Variants in INO80D observed in about 807,000 individuals in gnomAD.
The protein encoded by INO80D is INO80 complex subunit D.
A neutral mutation model predicts 87.6 loss-of-function variants in INO80D; 21 were observed. The observed-to-expected ratio is 0.24, with a 90% CI of 0.17 to 0.35. The LOEUF is 0.35. Ranked by LOEUF, INO80D falls within the 10% of genes least tolerant of loss-of-function variation. The pLI, the probability that INO80D is intolerant of heterozygous loss-of-function variation, is 1.00. For missense variants in INO80D, 982 were observed against 1,280.7 expected (o/e 0.77, Z 3.56); for synonymous variants, 440 against 491.0 (o/e 0.90, Z 1.37).
In INO80D at chr2:206,024,729, T is replaced by C. The variant is rs543694726; in HGVS notation, c.1298+3382A>G. Reference sequence around the variant, plus strand: ...TGACCAACAGCTACAAAATAAAGGTTATATTTTAACACTTTGTTTTATTTA... The same window carrying C: ...TGACCAACAGCTACAAAATAAAGGTCATATTTTAACACTTTGTTTTATTTA... On this transcript the variant is annotated intron_variant, in intron 6 of 10. Transcript: ENST00000403263. Among the ~76,000 whole-genome samples the C allele has an allele frequency of 4.6e-5, 7 of 152,218 alleles. No homozygotes were observed. In the South Asian group the frequency reaches 1.2e-3, roughly 27 times the overall value.
intron 3 of INO80D, among the ~76,000 whole-genome samples, chr2:206,058,255 TA>T (rs1689582388): frequency 1.3e-5 from 2 of 151,266 alleles, no homozygotes; most frequent in African/African-American, 2.4e-5. Flanking sequence ...CCGTCTCTAT[TA>T]AAAATACAAA....
intron 4 of INO80D, among the ~76,000 whole-genome samples, chr2:206,047,940 T>C (rs949523867): frequency 6.7e-6 from 1 of 149,166 alleles, no homozygotes; most frequent in Non-Finnish European, 1.5e-5. Context: ...AAGCTCCGCC[T>C]CCTGGGTTCA....
chr2:206,010,703 G>A (rs1181694023), intron 8 of INO80D, among the ~76,000 whole-genome samples: 1 of 152,120 alleles, frequency 6.6e-6, no homozygotes, highest in South Asian at 2.1e-4. Context: ...TCTAAAACAG[G>A]TTTAATCCTA....
At chr2:206,009,026 G>T (rs949810062) in intron 9 of INO80D, among the ~76,000 whole-genome samples, 2 of 152,144 alleles carry the variant, frequency 1.3e-5, no homozygotes, top group African/African-American at 2.4e-5. Context: ...TAAAAGTTAA[G>T]AGACTAGGTA....
intron 5 of INO80D, among the ~76,000 whole-genome samples, chr2:206,041,430 G>C (rs1689048580): frequency 6.6e-6 from 1 of 152,080 alleles, no homozygotes; most frequent in South Asian, 2.1e-4. Context: ...TGCCACATAA[G>C]GAAAGATCTC....
At chr2:206,010,585 G>A (rs1688145678) in intron 8 of INO80D, among the ~76,000 whole-genome samples, 1 of 152,012 alleles carries the variant, frequency 6.6e-6, no homozygotes, top group Non-Finnish European at 1.5e-5. Flanking sequence ...AATAACTCTT[G>A]TAGCTAAATA....
At chr2:206,026,317 G>A (rs1688614766) in intron 6 of INO80D, among the ~76,000 whole-genome samples, 1 of 152,098 alleles carries the variant, frequency 6.6e-6, no homozygotes, top group Middle Eastern at 3.2e-3. Context: ...AGGCCAAGGT[G>A]GGCAGATCAC....
intron 8 of INO80D, among the ~76,000 whole-genome samples, chr2:206,010,252 C>G (rs1005872973): frequency 4.0e-5 from 6 of 151,352 alleles, no homozygotes; most frequent in African/African-American, 1.5e-4. Flanking sequence ...TACTGAAGAA[C>G]CGACCACAAT....
chr2:206,083,332 C>T (rs1690335147), intron 1 of INO80D, among the ~76,000 whole-genome samples: 2 of 151,974 alleles, frequency 1.3e-5, no homozygotes, highest in Non-Finnish European at 2.9e-5. Context: ...TTTTTTCAAA[C>T]CTTAAAATGT....
chr2:206,065,872 C>G (rs1204797814), intron 1 of INO80D, among the ~76,000 whole-genome samples: 2 of 152,116 alleles, frequency 1.3e-5, no homozygotes, highest in African/African-American at 4.8e-5. Context: ...TGGCTATTAT[C>G]AAACAGACAA....
intron 5 of INO80D, among the ~76,000 whole-genome samples, chr2:206,038,883 G>A (rs1290887909): frequency 6.6e-6 from 1 of 152,164 alleles, no homozygotes; most frequent in Non-Finnish European, 1.5e-5. Context: ...GCTGATTTCA[G>A]AGTACTTGCT....
At chr2:206,032,650 T>C (rs180921405) in intron 5 of INO80D, among the ~76,000 whole-genome samples, 76 of 152,286 alleles carry the variant, frequency 5.0e-4, no homozygotes, top group African/African-American at 1.8e-3. Flanking sequence ...CTAGAAGGGA[T>C]TGGGGCCCTA....
In INO80D at chr2:206,062,682, GAGGA is replaced by G. The variant is rs1186525184; in HGVS notation, c.218+113_218+116del. On this transcript the variant is annotated intron_variant, in intron 3 of 10. Transcript: ENST00000403263. This position sits in a 1 kb window ranked among gnomAD's most constrained non-coding sequence, Gnocchi z 4.6. The stretch of plus-strand genomic sequence containing the variant: ...CCAGAATTCAACATTTATATAGGTG[GAGGA>G]AGGGAGGGAGGGAGAAATGAAGGAC... 2 of 808,342 alleles carry G rather than the reference GAGGA, an allele frequency of 2.5e-6. No individual in the cohort carries two copies. Among genetic ancestry groups the G allele is most frequent in the African/African-American group, 3.5e-5 (2 of 56,686 alleles). 50.1% of individuals were successfully genotyped at this position (808,342 alleles called of 1,614,324 possible). A position where few individuals can be genotyped will look rare whatever the true frequency, so the allele number is the denominator to read the frequency against.
chr2:206,033,094 C>T (rs1273332167), intron 5 of INO80D, among the ~76,000 whole-genome samples: 3 of 152,098 alleles, frequency 2.0e-5, no homozygotes, highest in Non-Finnish European at 4.4e-5. Flanking sequence ...AGGAGACTCA[C>T]CTAACATATA....
chr2:206,064,302 C>T (rs1689759864), intron 1 of INO80D, among the ~76,000 whole-genome samples: 1 of 152,188 alleles, frequency 6.6e-6, no homozygotes, highest in Admixed American at 6.5e-5. Context: ...ACAACACCAT[C>T]TAGTCTATCA....
chr2:206,010,501 A>C (rs1333739122), intron 8 of INO80D, among the ~76,000 whole-genome samples: 2 of 152,196 alleles, frequency 1.3e-5, no homozygotes, highest in Non-Finnish European at 2.9e-5. Context: ...CATCACTGGC[A>C]ACATTTTTTT....
rs1687873296 is a variant in INO80D, at chr2:205,999,808, C to G, written c.*4560G>C. On this transcript the variant is annotated 3_prime_UTR_variant, in exon 11 of 11. Coordinates refer to ENST00000403263, the MANE Select transcript of INO80D (RefSeq NM_017759.5). ...GTAGTATTTAAAATGTTACTTTAAT[C>G]TACTAAACATGATTCTGGTTTCCTC... 1 of 152,036 alleles carries G rather than the reference C, an allele frequency of 6.6e-6. No homozygotes were observed. The highest frequency in any genetic ancestry group is 1.5e-5 in the Non-Finnish European group (1 of 68,022). 9.4% of individuals were successfully genotyped at this position (152,036 alleles called of 1,614,324 possible). A position where few individuals can be genotyped will look rare whatever the true frequency, so the allele number is the denominator to read the frequency against.
At chr2:206,068,400 A>G (rs571205576) in intron 1 of INO80D, among the ~76,000 whole-genome samples, 1 of 151,508 alleles carries the variant, frequency 6.6e-6, no homozygotes, top group South Asian at 2.1e-4. Context: ...GTGCCTGGCC[A>G]CACTACATTT....
chr2:206,004,276 T>A lies in INO80D; in HGVS notation c.*92A>T, dbSNP rs1210572092. 1.7e-6 allele frequency: 2 copies of A among 1,210,698 alleles called. No homozygotes were observed. Among genetic ancestry groups the A allele is most frequent in the Non-Finnish European group, 2.3e-6 (2 of 860,068 alleles). The allele number at this position is 1,210,698 out of a possible 1,614,324, so 75.0% of individuals were successfully genotyped here. On this transcript the variant is annotated 3_prime_UTR_variant, in exon 11 of 11. Coordinates refer to ENST00000403263, the MANE Select transcript of INO80D (RefSeq NM_017759.5). This position sits in a 1 kb window ranked among gnomAD's most constrained non-coding sequence, Gnocchi z 4.9. ...GCCCCTCTGATCCCCATCTGTTATA[T>A]CTTCTTTAGGAAAAGGGGAGAGGGG...
Sources: gnomAD v4.1 joint callset for allele counts (sites outside exome capture counted in the v4.1 genomes callset) on GRCh38, gnomAD v4.1.1 for gene constraint, Gnocchi (gnomAD v3.1) non-coding constraint, MANE v1.5 for transcripts, NCBI Gene and HGNC (gene_info 2026-07-23, HGNC 2026-07-21) for gene names.